Variants in UBE2G1 observed in about 807,000 individuals in gnomAD.
The protein encoded by UBE2G1 is ubiquitin-conjugating enzyme E2 G1.
Under a neutral mutation model 22.7 loss-of-function variants are expected in UBE2G1, and 5 were observed. The ratio of observed to expected loss-of-function variants is 0.22; its 90% CI spans 0.12 to 0.46. The LOEUF (loss-of-function observed/expected upper bound fraction) is 0.46, where lower values mean the gene tolerates loss of function less well. Among genes scored for constraint, UBE2G1 ranks in the 20% least tolerant of loss-of-function variants. The pLI, the probability that UBE2G1 is intolerant of heterozygous loss-of-function variation, is 0.99. For missense variants in UBE2G1, 88 were observed against 203.9 expected (o/e 0.43, Z 3.46); for synonymous variants, 74 against 67.5 (o/e 1.10, Z -0.47).
At position 4,271,186 on chromosome 17, in the gene UBE2G1, C is replaced by G. The variant is rs374532563; in HGVS notation, c.*1368G>C. The G allele has an allele frequency of 1.0e-4, 16 of 152,604 alleles. No homozygotes were observed. The East Asian group carries it at 2.7e-3, about 26-fold the overall frequency. 9.5% of individuals were successfully genotyped at this position (152,604 alleles called of 1,614,324 possible). A position where few individuals can be genotyped will look rare whatever the true frequency, so the allele number is the denominator to read the frequency against. On this transcript the variant is annotated 3_prime_UTR_variant, in exon 6 of 6. Coordinates refer to ENST00000396981, the MANE Select transcript of UBE2G1 (RefSeq NM_003342.5). ...ATTGAAGCTCAAACATTAATCACAT[C>G]CAAGTGTACTATTGTTAGTGACGGG...
intron 1 of UBE2G1, among the ~76,000 whole-genome samples, chr17:4,335,689 T>C (rs887739061): frequency 3.3e-5 from 5 of 152,224 alleles, no homozygotes; most frequent in Admixed American, 1.3e-4. Flanking sequence ...CAATCAATGG[T>C]ACGTCATAGT....
At chr17:4,366,110 G>A (rs1970031745) in intron 1 of UBE2G1, among the ~76,000 whole-genome samples, 161 bp downstream of exon 1, 1 of 152,144 alleles carries the variant, frequency 6.6e-6, no homozygotes, top group Non-Finnish European at 1.5e-5. Context: ...AGCCGGGCGA[G>A]AACGGCTGGG....
At position 4,287,102 on chromosome 17, in the gene UBE2G1, ATTT is replaced by A. The variant is rs60149939; in HGVS notation, c.426+2125_426+2127del. ...TAAAAAGGGCAACTTGTCAGCTCTG[ATTT>A]TTTTTTTTTTTTTTTTTAGATGGAG... On this transcript the variant is annotated intron_variant, in intron 4 of 5. Coordinates refer to ENST00000396981, the MANE Select transcript of UBE2G1 (RefSeq NM_003342.5). Among the ~76,000 whole-genome samples the A allele has an allele frequency of 7.1e-3, 973 of 136,320 alleles. 16 individuals carry two copies. Among genetic ancestry groups the A allele is most frequent in the Admixed American group, 0.027 (367 of 13,618 alleles). The allele number at this position is 136,320 out of a possible 152,430, so 89.4% of individuals were successfully genotyped here.
intron 1 of UBE2G1, among the ~76,000 whole-genome samples, chr17:4,349,502 G>T (rs957281030): frequency 3.5e-5 from 1 of 28,246 alleles, no homozygotes; most frequent in African/African-American, 1.7e-4. Flanking sequence ...TGGAATGGAG[G>T]CATTGTTTTT....
At chr17:4,365,065 TAAG>T (rs1970016548) in intron 1 of UBE2G1, among the ~76,000 whole-genome samples, 1 of 152,216 alleles carries the variant, frequency 6.6e-6, no homozygotes, top group Admixed American at 6.5e-5. Context: ...ACCTTTTCCT[TAAG>T]AAGCCATAAA....
intron 1 of UBE2G1, among the ~76,000 whole-genome samples, chr17:4,350,709 C>T (rs928401850): frequency 6.6e-5 from 10 of 152,008 alleles, no homozygotes; most frequent in Admixed American, 6.6e-4. Context: ...GCCATTCCAA[C>T]AGAGAAAATG....
At chr17:4,340,513 G>C (rs1372431279) in intron 1 of UBE2G1, among the ~76,000 whole-genome samples, 2 of 152,136 alleles carry the variant, frequency 1.3e-5, no homozygotes, top group Non-Finnish European at 2.9e-5. Flanking sequence ...ATTCACCCAT[G>C]CTGTTCTCGT....
chr17:4,297,202 AAACACATC>A (rs1252550686), intron 2 of UBE2G1, among the ~76,000 whole-genome samples: 1 of 152,204 alleles, frequency 6.6e-6, no homozygotes, highest in African/African-American at 2.4e-5. Context: ...TCTATTCCTC[AAACACATC>A]AAACCCTTTC....
At chr17:4,280,660 G>T (rs374515352) in intron 5 of UBE2G1, among the ~76,000 whole-genome samples, 1 of 144,020 alleles carries the variant, frequency 6.9e-6, no homozygotes, top group African/African-American at 2.6e-5. Flanking sequence ...TTTTTGGAAC[G>T]GAGTTTTGTT....
intron 1 of UBE2G1, among the ~76,000 whole-genome samples, chr17:4,348,282 G>A (rs565975433): frequency 2.6e-5 from 4 of 151,964 alleles, no homozygotes; most frequent in South Asian, 4.2e-4. Context: ...GGCCGGGCGC[G>A]GTGGCTCACG....
chr17:4,279,814 T>TATAC (rs1238568499), intron 5 of UBE2G1, among the ~76,000 whole-genome samples: 9 of 18,814 alleles, frequency 4.8e-4, no homozygotes, highest in Non-Finnish European at 2.7e-3. Context: ...TATATATATA[T>TATAC]ATATATATAT....
At chr17:4,365,775 C>T (rs1366423453) in intron 1 of UBE2G1, among the ~76,000 whole-genome samples, 1 of 152,176 alleles carries the variant, frequency 6.6e-6, no homozygotes, top group Non-Finnish European at 1.5e-5. Flanking sequence ...CAGCGCCGCC[C>T]GGGGAGAAGT....
At chr17:4,349,968 G>A (rs373256691) in intron 1 of UBE2G1, among the ~76,000 whole-genome samples, 7 of 152,058 alleles carry the variant, frequency 4.6e-5, no homozygotes, top group Non-Finnish European at 7.4e-5. Flanking sequence ...ATTCAAAGTG[G>A]GAGAGAGGGG....
intron 5 of UBE2G1, among the ~76,000 whole-genome samples, chr17:4,281,262 A>G (rs1373523592): frequency 6.6e-6 from 1 of 152,230 alleles, no homozygotes; most frequent in Non-Finnish European, 1.5e-5. Flanking sequence ...AAGAATATTG[A>G]GCAATAAAAG....
intron 1 of UBE2G1, among the ~76,000 whole-genome samples, chr17:4,339,842 T>C (rs1461966945): frequency 6.6e-6 from 1 of 151,058 alleles, no homozygotes; most frequent in African/African-American, 2.4e-5. Context: ...AGAGCAAAAC[T>C]GCATCTCAAA....
chr17:4,332,238 A>G (rs1237180602), intron 1 of UBE2G1, among the ~76,000 whole-genome samples: 1 of 152,156 alleles, frequency 6.6e-6, no homozygotes, highest in Non-Finnish European at 1.5e-5. Context: ...ACTAAGTCAG[A>G]GGCTATATTC....
intron 4 of UBE2G1, among the ~76,000 whole-genome samples, chr17:4,283,491 C>T (rs528828001): frequency 2.0e-5 from 3 of 152,138 alleles, no homozygotes; most frequent in Middle Eastern, 3.4e-3. Flanking sequence ...CAGAGCGAGA[C>T]TCCATCTCAA....
At chr17:4,272,760 G>A (rs188837563) in intron 5 of UBE2G1, among the ~76,000 whole-genome samples, 8 of 152,220 alleles carry the variant, frequency 5.3e-5, no homozygotes, top group East Asian at 1.9e-4. Context: ...CACATTTCAC[G>A]TGCTCAGTAG....
chr17:4,277,673 AT>A (rs1331724651), intron 5 of UBE2G1, among the ~76,000 whole-genome samples: 1 of 152,208 alleles, frequency 6.6e-6, no homozygotes, highest in East Asian at 1.9e-4. Flanking sequence ...ATAAATATGT[AT>A]TTTCAAATAA....
Sources: gnomAD v4.1 joint callset for allele counts (sites outside exome capture counted in the v4.1 genomes callset) on GRCh38, gnomAD v4.1.1 for gene constraint, MANE v1.5 for transcripts, NCBI Gene and HGNC (gene_info 2026-07-23, HGNC 2026-07-21) for gene names.